Variants in TSPAN3 observed in about 807,000 individuals in gnomAD.
TSPAN3 encodes tetraspanin-3.
Under a neutral mutation model 31.1 loss-of-function variants are expected in TSPAN3, and 9 were observed. That is an observed-to-expected ratio of 0.29 (90% CI 0.17 to 0.50). TSPAN3 has a LOEUF of 0.50. TSPAN3 is among the 20% of genes least tolerant of loss of function. The pLI is 0.98. For missense variants in TSPAN3, 252 were observed against 313.5 expected (o/e 0.80, Z 1.48); for synonymous variants, 129 against 114.3 (o/e 1.13, Z -0.82).
intron 1 of TSPAN3, chr15:77,064,132 T>G (rs1038965318): frequency 6.6e-6 from 1 of 152,200 alleles, no homozygotes; most frequent in African/African-American, 2.4e-5. Flanking sequence ...TAACTCTGCC[T>G]AACTACTAAA....
At chr15:77,051,329 A>G (rs569955012) in intron 6 of TSPAN3, among the ~76,000 whole-genome samples, 19 of 152,152 alleles carry the variant, frequency 1.2e-4, no homozygotes, top group African/African-American at 4.6e-4. Context: ...GGAGTTCAAG[A>G]CCAACCTGGC....
chr15:77,063,496 T>A (rs1033007552), intron 1 of TSPAN3: 1 of 152,174 alleles, frequency 6.6e-6, no homozygotes, highest in African/African-American at 2.4e-5. Context: ...TACAGGCATG[T>A]GCCACCAAGC....
At chr15:77,061,761 G>C (rs918423556) in intron 1 of TSPAN3, among the ~76,000 whole-genome samples, 1 of 152,160 alleles carries the variant, frequency 6.6e-6, no homozygotes, top group Non-Finnish European at 1.5e-5. Flanking sequence ...AAGAATAGAA[G>C]TGATTTTCTT....
chr15:77,058,003 A>C (rs1049359281), intron 1 of TSPAN3, among the ~76,000 whole-genome samples: 2 of 152,176 alleles, frequency 1.3e-5, no homozygotes, highest in African/African-American at 4.8e-5. Flanking sequence ...CTGAGGATTA[A>C]CTTTCCTTGC....
Position 77,041,701 on chromosome 15 carries a change from T to C in TSPAN3, c.*5134A>G, listed in dbSNP as rs2076660964. ...CACCCAGCCAAACATGACTTTTCCA[T>C]CCAGAGTAAATCCAACTAACAAGAA... On this transcript the variant is annotated 3_prime_UTR_variant, in exon 7 of 7. Transcript: ENST00000267970. 1 of 152,116 alleles carries C rather than the reference T, an allele frequency of 6.6e-6. No homozygotes were observed. The highest frequency in any genetic ancestry group is 2.1e-4 in the South Asian group (1 of 4,824). 9.4% of individuals were successfully genotyped at this position (152,116 alleles called of 1,614,324 possible). A position where few individuals can be genotyped will look rare whatever the true frequency, so the allele number is the denominator to read the frequency against.
At chr15:77,061,524 G>A (rs2152697240) in intron 1 of TSPAN3, among the ~76,000 whole-genome samples, 1 of 151,478 alleles carries the variant, frequency 6.6e-6, no homozygotes, top group South Asian at 2.1e-4. Flanking sequence ...GCAAAACTCA[G>A]TCTCAAAAAA....
In TSPAN3 at chr15:77,066,571, C is replaced by CAA. The variant is rs35737479; in HGVS notation, c.63+4319_63+4320dup. ...TGGGCGACAGAGTAAGACTTCGTCTCAAAAAAAAAAAAAAAAAAAAAAAAA... is the reference window on the plus strand; with the variant it reads ...TGGGCGACAGAGTAAGACTTCGTCTCAAAAAAAAAAAAAAAAAAAAAAAAAAA... On this transcript the variant is annotated intron_variant, in intron 1 of 6. Coordinates refer to ENST00000267970, the MANE Select transcript of TSPAN3 (RefSeq NM_005724.6). Among the ~76,000 whole-genome samples the CAA allele has an allele frequency of 1.4e-3, 82 of 59,366 alleles. 3 individuals are homozygous for CAA. Among genetic ancestry groups the CAA allele is most frequent in the African/African-American group, 4.8e-3 (64 of 13,368 alleles). The allele number at this position is 59,366 out of a possible 152,430, so 38.9% of individuals were successfully genotyped here.
chr15:77,060,080 T>C (rs1383248099), intron 1 of TSPAN3, among the ~76,000 whole-genome samples: 1 of 152,214 alleles, frequency 6.6e-6, no homozygotes, highest in Non-Finnish European at 1.5e-5. Context: ...TCTTTTCTGA[T>C]AGACTCTACA....
chr15:77,068,794 T>C (rs1169487669), intron 1 of TSPAN3, among the ~76,000 whole-genome samples: 2 of 152,344 alleles, frequency 1.3e-5, no homozygotes, highest in Admixed American at 6.5e-5. Flanking sequence ...GCTCCATCCA[T>C]GTCCCTGTAA....
In TSPAN3 at chr15:77,057,773, G is replaced by T. The variant is rs76194133; in HGVS notation, c.64-1518C>A. ...GCCTTATTCTTTAGTCATTCTCTGG[G>T]CTCTCCGTGGGCTACAGCAGCTATG... On this transcript the variant is annotated intron_variant, in intron 1 of 6. Coordinates refer to ENST00000267970, the MANE Select transcript of TSPAN3 (RefSeq NM_005724.6). Among the ~76,000 whole-genome samples, 475 of 152,032 alleles carry T rather than the reference G, an allele frequency of 3.1e-3. 3 individuals carry two copies. The highest frequency in any genetic ancestry group is 0.01 in the African/African-American group (426 of 41,444).
rs2076668937 is a variant in TSPAN3, at chr15:77,043,125, T to G, written c.*3710A>C. The G allele has an allele frequency of 6.6e-6, 1 of 152,360 alleles. No homozygotes were observed. Among genetic ancestry groups the G allele is most frequent in the African/African-American group, 2.4e-5 (1 of 41,398 alleles). 9.4% of individuals were successfully genotyped at this position (152,360 alleles called of 1,614,324 possible). A position where few individuals can be genotyped will look rare whatever the true frequency, so the allele number is the denominator to read the frequency against. The stretch of plus-strand genomic sequence containing the variant: ...CGTGACAGCTCTCTGCTCCTGTGGC[T>G]TGGCGGGGGGGCACCTCCAGTAAGT... On this transcript the variant is annotated 3_prime_UTR_variant, in exon 7 of 7. Coordinates refer to ENST00000267970, the MANE Select transcript of TSPAN3 (RefSeq NM_005724.6).
Position 77,052,771 on chromosome 15 carries a change from A to G in TSPAN3, c.585+6T>C. On this transcript the variant is annotated splice_donor_region_variant and intron_variant, in intron 5 of 6. Transcript: ENST00000267970. ...GCTAGACTCAAGTCGTGGCCAAGAG[A>G]CTCACCTCAGCATAGAGGTCGGAAG... The G allele has an allele frequency of 1.2e-6, 2 of 1,611,832 alleles. No individual in the cohort carries two copies. Among genetic ancestry groups the G allele is most frequent in the Non-Finnish European group, 8.5e-7 (1 of 1,178,110 alleles).
At chr15:77,052,713 G>A in intron 5 of TSPAN3, 64 bp downstream of exon 5, 3 of 1,563,992 alleles carry the variant, frequency 1.9e-6, no homozygotes, top group Non-Finnish European at 2.6e-6. Flanking sequence ...GTCCCAGATG[G>A]TGATAAGACA....
intron 1 of TSPAN3, among the ~76,000 whole-genome samples, chr15:77,058,188 T>C (rs2076780023): frequency 6.6e-6 from 1 of 152,198 alleles, no homozygotes; most frequent in African/African-American, 2.4e-5. Context: ...TTCTTTATAC[T>C]ACCAGGGTTA....
intron 1 of TSPAN3, among the ~76,000 whole-genome samples, chr15:77,061,918 C>G (rs1057186108): frequency 6.6e-6 from 1 of 152,164 alleles, no homozygotes; most frequent in South Asian, 2.1e-4. Flanking sequence ...GAACTGCTCC[C>G]TTCGGAGTGA....
chr15:77,062,664 T>A (rs1484753132), intron 1 of TSPAN3, among the ~76,000 whole-genome samples: 1 of 152,264 alleles, frequency 6.6e-6, no homozygotes, highest in East Asian at 1.9e-4. Context: ...TGCCTCAGCA[T>A]TGATGCCTTT....
At chr15:77,059,872 T>C (rs971652916) in intron 1 of TSPAN3, among the ~76,000 whole-genome samples, 1 of 152,200 alleles carries the variant, frequency 6.6e-6, no homozygotes, top group Non-Finnish European at 1.5e-5. Context: ...GAGGTTCCTA[T>C]GAGACTCACA....
At chr15:77,058,338 G>T (rs1374427392) in intron 1 of TSPAN3, among the ~76,000 whole-genome samples, 2 of 152,150 alleles carry the variant, frequency 1.3e-5, no homozygotes, top group Admixed American at 6.5e-5. Context: ...GAACAATATA[G>T]AACTGTTATA....
intron 4 of TSPAN3, 129 bp from the exon 5 acceptor site, chr15:77,053,058 C>G (rs2076742172): frequency 1.1e-6 from 1 of 908,388 alleles, no homozygotes; most frequent in South Asian, 1.8e-5. Flanking sequence ...AATGGAAAGT[C>G]TGCATGATCC....
Sources: allele counts gnomAD v4.1 joint callset (sites outside exome capture counted in the v4.1 genomes callset), GRCh38; gene constraint gnomAD v4.1.1; transcripts MANE v1.5; gene names NCBI Gene and HGNC (gene_info 2026-07-23, HGNC 2026-07-21).